GOLGB1: variants seen among roughly 807,000 people sequenced by gnomAD.
GOLGB1 encodes the protein golgin subfamily B member 1.
GOLGB1 carries 174 observed loss-of-function variants against 336.9 expected under a neutral mutation model. The observed-to-expected ratio is 0.52, with a 90% CI of 0.46 to 0.59. The LOEUF is 0.59. GOLGB1 is among the 20% of genes least tolerant of loss of function. The probability of loss-of-function intolerance (pLI) is 0.00; values close to 1 mark genes in which losing one functional copy is unlikely to be tolerated. For synonymous variants in GOLGB1, 1,208 were observed against 1,289.2 expected, an observed-to-expected ratio of 0.94 and a Z score of 1.35; for missense variants, 3,331 against 3,645.3, an observed-to-expected ratio of 0.91 and a Z score of 2.22.
At chr3:121,716,661 A>T in intron 9 of GOLGB1, 76 bp downstream of exon 9, 1 of 1,199,450 alleles carries the variant, frequency 8.3e-7, no homozygotes, top group South Asian at 1.5e-5. Context: ...GATTTCATTA[A>T]CAGATCCCTG....
At position 121,719,805 on chromosome 3, in the gene GOLGB1, C is replaced by A. The variant is rs370518974; in HGVS notation, c.649-37G>T. The A allele has an allele frequency of 3.7e-5, 57 of 1,549,580 alleles. 1 individual carries two copies. In the African/African-American group the frequency reaches 5.0e-4, roughly 14 times the overall value. On this transcript the variant is annotated intron_variant, in intron 6 of 21. Transcript: ENST00000614479. The stretch of plus-strand genomic sequence containing the variant: ...TACCAGAGAAACTATGCAAGTTACA[C>A]TCCCCGAATATTGCACAAATAAAAC...
chr3:121,726,980 T>C lies in GOLGB1; in HGVS notation c.464A>G (p.Glu155Gly), dbSNP rs1945665608. ...CAAAGTGCTGATTAGTTCCTCCTTCTCCTGGAGCTTATGTTTTATCTTTTC... is the reference window on the plus strand; with the variant it reads ...CAAAGTGCTGATTAGTTCCTCCTTCCCCTGGAGCTTATGTTTTATCTTTTC... The part of the protein sequence containing the change: ...EIEKIKHKLQ[E>G]KEELISTLQA... Residue 155 changes from glutamate to glycine, a missense_variant, in exon 5 of 22, where the codon GAG becomes GGG. Physicochemically the swap from Glu to Gly is moderately conservative, Grantham distance 98. Transcript: ENST00000614479. 1 of 1,603,904 alleles carries C rather than the reference T, an allele frequency of 6.2e-7. No individual in the cohort carries two copies. Among genetic ancestry groups the C allele is most frequent in the Non-Finnish European group, 8.5e-7 (1 of 1,172,776 alleles).
chr3:121,696,830 A>G lies in GOLGB1; in HGVS notation c.3693T>C (p.Asn1231=), dbSNP rs1232876342. ...QEQFDEQSKE[N]ENIGDQLRQL... ...GCCTTAGCTGGTCTCCAATATTCTC[A>G]TTTTCCTTGCTTTGCTCATCAAACT... Residue 1231 remains asparagine, a synonymous_variant, in exon 13 of 22, where the codon AAT becomes AAC. Coordinates refer to ENST00000614479, the MANE Select transcript of GOLGB1 (RefSeq NM_001366282.2). The G allele has an allele frequency of 6.2e-7, 1 of 1,614,006 alleles. No homozygotes were observed. Among genetic ancestry groups the G allele is most frequent in the Admixed American group, 1.7e-5 (1 of 60,020 alleles).
intron 10 of GOLGB1, among the ~76,000 whole-genome samples, chr3:121,704,258 A>T (rs1260406846): frequency 6.6e-6 from 1 of 152,154 alleles, no homozygotes; most frequent in African/African-American, 2.4e-5. Context: ...ATGGCCAAAA[A>T]TTTCTCAAAC....
rs115214087 is a variant in GOLGB1, at chr3:121,736,273, T to C, written c.-2-5300A>G. 3.0e-3 allele frequency among the ~76,000 whole-genome samples: 463 copies of C among 152,112 alleles called. 2 individuals are homozygous for C. The highest frequency in any genetic ancestry group is 0.01 in the African/African-American group (433 of 41,496). On this transcript the variant is annotated intron_variant, in intron 1 of 21. Transcript: ENST00000614479. ...GACCTAGTGACTCACTTCCAAAGAA[T>C]AGAATATGAAAAAAGAAAAACAGCA...
chr3:121,695,627 A>G lies in GOLGB1; in HGVS notation c.4896T>C (p.Asn1632=). The change falls in exon 13 of 22, where the codon AAT becomes AAC. Residue 1632 remains asparagine, a synonymous_variant. Coordinates refer to ENST00000614479, the MANE Select transcript of GOLGB1 (RefSeq NM_001366282.2). Reference sequence around the variant, plus strand: ...CCACATGCTGAATCCTTTCTGCTTCATTACTAACATTCTCATAGGACTGCA... The same window carrying G: ...CCACATGCTGAATCCTTTCTGCTTCGTTACTAACATTCTCATAGGACTGCA... ...ILLQSYENVS[N]EAERIQHVVE... 6.2e-7 allele frequency: 1 copy of G among 1,613,534 alleles called. No individual in the cohort carries two copies. Among genetic ancestry groups the G allele is most frequent in the South Asian group, 1.1e-5 (1 of 91,076 alleles).
chr3:121,682,005 C>A, intron 14 of GOLGB1, 140 bp from the exon 15 acceptor site: 1 of 632,270 alleles, frequency 1.6e-6, no homozygotes, highest in Non-Finnish European at 2.8e-6. Context: ...CATATCACTG[C>A]AACATAAGTC....
At chr3:121,735,441 T>C (rs185621444) in intron 1 of GOLGB1, among the ~76,000 whole-genome samples, 14 of 152,294 alleles carry the variant, frequency 9.2e-5, no homozygotes, top group Admixed American at 4.6e-4. Context: ...CTGGGTACTA[T>C]AAGGATAAAG....
rs746649684 is a variant in GOLGB1 at position 121,683,053 on chromosome 3, ATTTTTTTTTTTTT to A, written c.8695-1201_8695-1189del. 6.6e-3 allele frequency among the ~76,000 whole-genome samples: 546 copies of A among 82,508 alleles called. 5 individuals carry two copies. Among genetic ancestry groups the A allele is most frequent in the South Asian group, 0.022 (58 of 2,598 alleles). The allele number at this position is 82,508 out of a possible 152,430, so 54.1% of individuals were successfully genotyped here. On this transcript the variant is annotated intron_variant, in intron 14 of 21. Coordinates refer to ENST00000614479, the MANE Select transcript of GOLGB1 (RefSeq NM_001366282.2). ...GCTGCTTAAGAAGCAATTTCTTTTA[ATTTTTTTTTTTTT>A]TTTTTTTTTTTTTTTTGGAGAGACG...
chr3:121,713,229 G>C (rs1287193300), intron 10 of GOLGB1, among the ~76,000 whole-genome samples: 1 of 151,980 alleles, frequency 6.6e-6, no homozygotes, highest in Non-Finnish European at 1.5e-5. Context: ...TAAATACATA[G>C]GTACTCTATG....
chr3:121,723,165 T>G (rs1406767544), intron 5 of GOLGB1, among the ~76,000 whole-genome samples: 1 of 152,238 alleles, frequency 6.6e-6, no homozygotes, highest in Admixed American at 6.5e-5. Context: ...AGAAAAGAAA[T>G]ATTTTTAATT....
intron 1 of GOLGB1, among the ~76,000 whole-genome samples, chr3:121,741,500 C>G (rs1309714924): frequency 6.6e-6 from 1 of 152,158 alleles, no homozygotes; most frequent in Non-Finnish European, 1.5e-5. Context: ...CACACCCGAT[C>G]TCGTCTAAAG....
At chr3:121,699,321 CT>C (rs1229955622) in intron 12 of GOLGB1, among the ~76,000 whole-genome samples, 10 of 152,250 alleles carry the variant, frequency 6.6e-5, no homozygotes, top group Admixed American at 2.0e-4. Context: ...CACTGACTTA[CT>C]GATTAGAAAA....
chr3:121,664,339 G>C lies in GOLGB1; in HGVS notation c.*141C>G. 1 of 773,924 alleles carries C rather than the reference G, an allele frequency of 1.3e-6. No homozygotes were observed. Among genetic ancestry groups the C allele is most frequent in the Non-Finnish European group, 2.2e-6 (1 of 454,684 alleles). 47.9% of individuals were successfully genotyped at this position (773,924 alleles called of 1,614,324 possible). A position where few individuals can be genotyped will look rare whatever the true frequency, so the allele number is the denominator to read the frequency against. On this transcript the variant is annotated 3_prime_UTR_variant, in exon 22 of 22. Transcript: ENST00000614479. ...CCAACCTGTCCTCGTATCCACCTCT[G>C]TTTTTGCAGGCACTTTCCGTGAAGA...
At chr3:121,689,117 C>T (rs1488295795) in intron 14 of GOLGB1, among the ~76,000 whole-genome samples, 1 of 151,540 alleles carries the variant, frequency 6.6e-6, no homozygotes, top group Non-Finnish European at 1.5e-5. Context: ...GTGAGGGGCA[C>T]CTCTGCCCGG....
chr3:121,682,489 T>C (rs1378474296), intron 14 of GOLGB1, among the ~76,000 whole-genome samples: 2 of 152,178 alleles, frequency 1.3e-5, no homozygotes, highest in African/African-American at 4.8e-5. Context: ...TATAGTACCT[T>C]TTTCATAAGA....
chr3:121,719,593 G>A, intron 7 of GOLGB1, 53 bp downstream of exon 7: 1 of 1,497,792 alleles, frequency 6.7e-7, no homozygotes, highest in Non-Finnish European at 9.0e-7. Flanking sequence ...TGGCTGTGAT[G>A]GATTAAATAT....
At position 121,715,204 on chromosome 3, in the gene GOLGB1, CT is replaced by C. The variant is rs1391088214; in HGVS notation, c.1289-229del. On this transcript the variant is annotated intron_variant, in intron 9 of 21. Transcript: ENST00000614479. ...AAGTAAAATAAAATAGGCCTAGGCA[CT>C]TTTTTTTTTTTTTTTTGATACGGAG... is the stretch of plus-strand genomic sequence containing the variant. 9.3e-3 allele frequency among the ~76,000 whole-genome samples: 1,248 copies of C among 133,556 alleles called. 7 individuals are homozygous for C. The highest frequency in any genetic ancestry group is 0.019 in the Middle Eastern group (5 of 264). 87.6% of individuals were successfully genotyped at this position (133,556 alleles called of 152,430 possible).
In GOLGB1 at chr3:121,692,285, C is replaced by T. The variant is rs1560216562; in HGVS notation, c.7079G>A (p.Ser2360Asn). ...AAGATCAGTCTCCAGTTGTTCATAA[C>T]TGAACTTAGAATTTTGAATATCAGC... ...QEADIQNSKF[S>N]YEQLETDLQA... Residue 2360 changes from serine to asparagine, a missense_variant, in exon 14 of 22, where the codon AGT (serine) becomes AAT (asparagine). Physicochemically the swap from Ser to Asn is conservative, Grantham distance 46 (BLOSUM62 1). Coordinates refer to ENST00000614479, the MANE Select transcript of GOLGB1 (RefSeq NM_001366282.2). 2 of 1,611,510 alleles carry T rather than the reference C, an allele frequency of 1.2e-6. No individual in the cohort carries two copies. Among genetic ancestry groups the T allele is most frequent in the East Asian group, 2.2e-5 (1 of 44,878 alleles).
Sources: gnomAD v4.1 joint callset for allele counts (sites outside exome capture counted in the v4.1 genomes callset) on GRCh38, gnomAD v4.1.1 for gene constraint, MANE v1.5 for transcripts, NCBI Gene and HGNC (gene_info 2026-07-23, HGNC 2026-07-21) for gene names.